LRRC4C: variants seen among roughly 807,000 people sequenced by gnomAD.
The protein encoded by LRRC4C is leucine rich repeat containing 4C.
Under a neutral mutation model 33.6 loss-of-function variants are expected in LRRC4C, and 5 were observed. The observed-to-expected ratio is 0.15, with a 90% CI of 0.08 to 0.31. LRRC4C has a LOEUF of 0.31. LRRC4C is among the 10% of genes least tolerant of loss of function. The pLI is 1.00. For synonymous variants in LRRC4C, 329 were observed against 302.0 expected (o/e 1.09, Z -0.93); for missense variants, 560 against 796.7 (o/e 0.70, Z 3.58).
intron 2 of LRRC4C, among the ~76,000 whole-genome samples, chr11:40,802,850 T>C (rs548746936): frequency 6.6e-6 from 1 of 152,334 alleles, no homozygotes; most frequent in East Asian, 1.9e-4. Context: ...TTTCCAAATT[T>C]AGAGGACACT....
chr11:41,432,919 T>C (rs7939433), intron 1 of LRRC4C, among the ~76,000 whole-genome samples: 95,007 of 151,928 alleles, frequency 0.63, 30,030 homozygotes, highest in Middle Eastern at 0.68. Flanking sequence ...TTTGATACTT[T>C]GAATTAGAGA....
intron 2 of LRRC4C, among the ~76,000 whole-genome samples, chr11:40,878,908 G>T (rs897705305): frequency 1.3e-5 from 2 of 152,138 alleles, no homozygotes; most frequent in Non-Finnish European, 2.9e-5. Flanking sequence ...ATCTTGGAAG[G>T]AAGGAATCAG....
At chr11:40,738,186 G>A (rs1050266371) in intron 2 of LRRC4C, among the ~76,000 whole-genome samples, 1 of 151,662 alleles carries the variant, frequency 6.6e-6, no homozygotes, top group Non-Finnish European at 1.5e-5. Flanking sequence ...AACTGAAACT[G>A]GACCCCTTCC....
chr11:40,358,615 CT>C (rs1947793691), intron 3 of LRRC4C, among the ~76,000 whole-genome samples: 1 of 152,108 alleles, frequency 6.6e-6, no homozygotes, highest in Non-Finnish European at 1.5e-5. Context: ...GTCTCCTATA[CT>C]AAGCTGCCTG....
chr11:41,289,935 A>G (rs1949943887), intron 1 of LRRC4C, among the ~76,000 whole-genome samples: 1 of 152,202 alleles, frequency 6.6e-6, no homozygotes, highest in South Asian at 2.1e-4. Flanking sequence ...ACATAATCAC[A>G]TATTAGACTT....
intron 5 of LRRC4C, among the ~76,000 whole-genome samples, chr11:40,158,247 C>A (rs528781498): frequency 2.6e-5 from 4 of 152,076 alleles, no homozygotes; most frequent in Non-Finnish European, 4.4e-5. Flanking sequence ...ATACAGTGGA[C>A]TTTGGGGACT....
At chr11:40,783,955 A>G (rs772697111) in intron 2 of LRRC4C, among the ~76,000 whole-genome samples, 1 of 152,172 alleles carries the variant, frequency 6.6e-6, no homozygotes, top group African/African-American at 2.4e-5. Flanking sequence ...AAAGTGCAAC[A>G]TTCATTGGAC....
At chr11:40,918,527 C>T (rs1433052508) in intron 2 of LRRC4C, among the ~76,000 whole-genome samples, 1 of 151,994 alleles carries the variant, frequency 6.6e-6, no homozygotes, top group Non-Finnish European at 1.5e-5. Flanking sequence ...ATGCATCATG[C>T]CCTTTTTTAG....
chr11:40,193,667 G>C (rs1214526966), intron 5 of LRRC4C, among the ~76,000 whole-genome samples: 5 of 152,008 alleles, frequency 3.3e-5, no homozygotes, highest in Admixed American at 6.6e-5. Context: ...CCAAGCTAAA[G>C]GAGCATGTTC....
intron 3 of LRRC4C, among the ~76,000 whole-genome samples, chr11:40,584,760 C>T (rs11035940): frequency 0.29 from 43,179 of 151,402 alleles, 6,198 homozygotes; most frequent in Middle Eastern, 0.38. Flanking sequence ...GGTAAAACCC[C>T]ATCTCTACTA....
At chr11:40,569,926 AG>A (rs138522073) in intron 3 of LRRC4C, among the ~76,000 whole-genome samples, 3,835 of 152,170 alleles carry the variant, frequency 0.025, 167 homozygotes, top group African/African-American at 0.086. Flanking sequence ...TATTCATAAA[AG>A]GTTTACCGAG....
chr11:40,646,474 A>G (rs1942461920), intron 3 of LRRC4C, among the ~76,000 whole-genome samples: 2 of 152,194 alleles, frequency 1.3e-5, no homozygotes, highest in African/African-American at 4.8e-5. Flanking sequence ...CACCTAAATG[A>G]GCCTTTTTTC....
At chr11:41,084,745 A>C (rs912283495) in intron 1 of LRRC4C, among the ~76,000 whole-genome samples, 3 of 152,150 alleles carry the variant, frequency 2.0e-5, no homozygotes, top group Admixed American at 6.5e-5. Flanking sequence ...GCTACTCAAG[A>C]GGCTGAGGCA....
chr11:40,844,064 C>T (rs540336093), intron 2 of LRRC4C, among the ~76,000 whole-genome samples: 1 of 151,988 alleles, frequency 6.6e-6, no homozygotes, highest in Non-Finnish European at 1.5e-5. Context: ...GAGCAGGTAG[C>T]CTTGAATTTT....
At chr11:41,425,238 G>A (rs1954999923) in intron 1 of LRRC4C, among the ~76,000 whole-genome samples, 1 of 151,970 alleles carries the variant, frequency 6.6e-6, no homozygotes, top group South Asian at 2.1e-4. Flanking sequence ...GTAAATACCA[G>A]AAAGACTGAT....
intron 6 of LRRC4C, 78 bp from the exon 7 acceptor site, chr11:40,116,412 A>G: frequency 1.4e-6 from 2 of 1,410,078 alleles, no homozygotes; most frequent in Non-Finnish European, 1.9e-6. Flanking sequence ...TGTCGGTGAT[A>G]TAGTGTATCA....
At chr11:40,469,368 C>T (rs1408822814) in intron 3 of LRRC4C, among the ~76,000 whole-genome samples, 1 of 152,148 alleles carries the variant, frequency 6.6e-6, no homozygotes, top group Non-Finnish European at 1.5e-5. Flanking sequence ...ATGCTTTTCC[C>T]GTGGTCTTCG....
chr11:41,005,781 A>C (rs530622796), intron 1 of LRRC4C, among the ~76,000 whole-genome samples: 1 of 152,320 alleles, frequency 6.6e-6, no homozygotes, highest in South Asian at 2.1e-4. Context: ...AGCCTGCAGA[A>C]GAACTAGCCA....
intron 1 of LRRC4C, among the ~76,000 whole-genome samples, chr11:40,971,000 A>G (rs1014515388): frequency 1.3e-5 from 2 of 152,212 alleles, no homozygotes; most frequent in Non-Finnish European, 2.9e-5. Flanking sequence ...GTGTGAGCAA[A>G]GAAATGACCT....
Sources: gnomAD v4.1 joint callset for allele counts (sites outside exome capture counted in the v4.1 genomes callset) on GRCh38, gnomAD v4.1.1 for gene constraint, MANE v1.5 for transcripts, NCBI Gene and HGNC (gene_info 2026-07-23, HGNC 2026-07-21) for gene names.